Variants in ZNF622 observed in about 807,000 individuals in gnomAD.
ZNF622 encodes the protein cytoplasmic 60S subunit biogenesis factor ZNF622.
In ZNF622, 34 loss-of-function variants were observed where a neutral mutation model predicts 49.7. The observed-to-expected ratio is 0.68, with a 90% CI of 0.52 to 0.91. The LOEUF is 0.91. Ranked by LOEUF, ZNF622 falls within the 40% of genes least tolerant of loss-of-function variation. The pLI is 0.00. For synonymous variants in ZNF622, 209 were observed against 228.7 expected, an observed-to-expected ratio of 0.91 and a Z score of 0.78; for missense variants, 569 against 616.4, an observed-to-expected ratio of 0.92 and a Z score of 0.81.
At chr5:16,461,153 A>C (rs887565144) in intron 3 of ZNF622, among the ~76,000 whole-genome samples, 3 of 152,240 alleles carry the variant, frequency 2.0e-5, no homozygotes, top group Admixed American at 6.5e-5. Flanking sequence ...GAATACTATA[A>C]ACAAATACAG....
intron 3 of ZNF622, among the ~76,000 whole-genome samples, chr5:16,461,823 T>C (rs994621840): frequency 6.6e-6 from 1 of 152,126 alleles, no homozygotes; most frequent in Non-Finnish European, 1.5e-5. Context: ...GAGATATAAA[T>C]GTGGGGGTCA....
chr5:16,454,331 CA>C (rs1214870800), intron 4 of ZNF622, among the ~76,000 whole-genome samples: 10 of 151,498 alleles, frequency 6.6e-5, no homozygotes, highest in Non-Finnish European at 1.5e-4. Context: ...ACTAAAAGCA[CA>C]AAAAAATTAG....
At chr5:16,452,218 T>C (rs903374253) in intron 5 of ZNF622, among the ~76,000 whole-genome samples, 1 of 152,156 alleles carries the variant, frequency 6.6e-6, no homozygotes, top group African/African-American at 2.4e-5. Flanking sequence ...CCTTTTCAAA[T>C]GGATTTTAGT....
chr5:16,455,012 T>C (rs1738002670), intron 4 of ZNF622, among the ~76,000 whole-genome samples: 1 of 152,184 alleles, frequency 6.6e-6, no homozygotes. Context: ...GCTTACTAAA[T>C]ACACACTATC....
At chr5:16,458,813 G>A (rs554790697) in intron 3 of ZNF622, among the ~76,000 whole-genome samples, 184 bp from the exon 4 acceptor site, 1 of 152,356 alleles carries the variant, frequency 6.6e-6, no homozygotes, top group South Asian at 2.1e-4. Flanking sequence ...TTTGTCTGTA[G>A]TAGAAATGAG....
At chr5:16,461,739 T>C (rs942973737) in intron 3 of ZNF622, among the ~76,000 whole-genome samples, 2 of 152,194 alleles carry the variant, frequency 1.3e-5, no homozygotes, top group Non-Finnish European at 2.9e-5. Flanking sequence ...TAATGATTCC[T>C]TTTGGACACA....
At chr5:16,456,469 T>C (rs1269715251) in intron 4 of ZNF622, among the ~76,000 whole-genome samples, 1 of 152,210 alleles carries the variant, frequency 6.6e-6, no homozygotes, top group Non-Finnish European at 1.5e-5. Context: ...TTGATTTTAC[T>C]GAAGTCCAAT....
Position 16,463,779 on chromosome 5 carries a change from A to C in ZNF622, c.626-37T>G. The C allele has an allele frequency of 6.3e-7, 1 of 1,595,914 alleles. No individual in the cohort carries two copies. Among genetic ancestry groups the C allele is most frequent in the Non-Finnish European group, 8.5e-7 (1 of 1,170,016 alleles). On this transcript the variant is annotated intron_variant, in intron 1 of 5. Coordinates refer to ENST00000308683, the MANE Select transcript of ZNF622 (RefSeq NM_033414.3). The surrounding 1 kb of genome is among the most constrained non-coding windows in gnomAD (Gnocchi z 4.2). ...AATTTTGAAATATAAAGTTTAAGAA[A>C]AGTAGTAGCAAGCAAAGATATCACA...
intron 4 of ZNF622, among the ~76,000 whole-genome samples, chr5:16,455,576 G>A (rs533002562): frequency 6.6e-6 from 1 of 152,354 alleles, no homozygotes; most frequent in South Asian, 2.1e-4. Flanking sequence ...GGAAATAGGT[G>A]AGATGTAGTT....
In ZNF622 at chr5:16,458,619, G is replaced by A; in HGVS notation, c.1060C>T (p.Pro354Ser). 1 of 1,610,386 alleles carries A rather than the reference G, an allele frequency of 6.2e-7. No homozygotes were observed. Among genetic ancestry groups the A allele is most frequent in the East Asian group, 2.2e-5 (1 of 44,822 alleles). ...ADFYDFRSSY[P>S]DHKEGEDPNK... is the part of the protein sequence containing the mutation. ...GGGTCCTCCCCTTCCTTGTGATCTG[G>A]ATAGCTACTCCTATAACAGAGAAAT... Residue 354 changes from proline to serine, a missense_variant, in exon 4 of 6, where the codon CCA becomes TCA. Transcript: ENST00000308683.
chr5:16,451,705 C>G lies in ZNF622; in HGVS notation c.1386G>C (p.Lys462Asn). The change falls in exon 6 of 6, where the codon AAG becomes AAC. Residue 462 changes from lysine to asparagine, a missense_variant. By Grantham distance (94) the Lys-to-Asn change is moderately conservative. Transcript: ENST00000308683. ...AGTGCATCTGCTTGGTGGCATTGTT[C>G]TTCATTCCTGTCTTCAGCATCCATT... ...KSKWMLKTGMKNNATKQMHFR... is the reference protein window; with the variant it reads ...KSKWMLKTGMNNNATKQMHFR... 1 of 1,614,148 alleles carries G rather than the reference C, an allele frequency of 6.2e-7. No homozygotes were observed. Among genetic ancestry groups the G allele is most frequent in the African/African-American group, 1.3e-5 (1 of 75,046 alleles).
At position 16,465,131 on chromosome 5, in the gene ZNF622, G is replaced by C; in HGVS notation, c.535C>G (p.Arg179Gly). 1.9e-6 allele frequency: 3 copies of C among 1,614,150 alleles called. No homozygotes were observed. Among genetic ancestry groups the C allele is most frequent in the Non-Finnish European group, 2.5e-6 (3 of 1,180,010 alleles). Residue 179 changes from arginine (R) to glycine (G), a missense_variant, in exon 1 of 6, where the codon CGG (arginine) becomes GGG (glycine). By Grantham distance (125) the Arg-to-Gly change is moderately radical. Transcript: ENST00000308683. This position sits in a 1 kb window ranked among gnomAD's most constrained non-coding sequence, Gnocchi z 6.2. ...GCCTGCTGTTCAAACCACTGGAGCC[G>C]GGGTGGTTTCTCACTCGGGTCTCGG... ...HDRDPSEKPP[R>G]LQWFEQQAKK...
In ZNF622 at chr5:16,463,237, CA is replaced by C. The variant is rs753623509; in HGVS notation, c.919del (p.Trp307GlyfsTer19). 3.1e-6 allele frequency: 5 copies of C among 1,607,772 alleles called. No homozygotes were observed. In the South Asian group the frequency reaches 4.5e-5, roughly 14 times the overall value. On this transcript the variant is annotated frameshift_variant, in exon 3 of 6. Transcript: ENST00000308683. LOFTEE classifies it high-confidence loss of function. This position sits in a 1 kb window ranked among gnomAD's most constrained non-coding sequence, Gnocchi z 4.2. ...EKVGVGKICL[W>X]CNEKGKSFYS... ...GAAGGACTTCCCTTTCTCGTTGCAC[CA>C]CAAGCAAATCTTGCCAACACCAACT... is the stretch of plus-strand genomic sequence containing the variant.
At position 16,451,633 on chromosome 5, in the gene ZNF622, T is replaced by C. The variant is rs1392665436; in HGVS notation, c.*24A>G. On this transcript the variant is annotated 3_prime_UTR_variant, in exon 6 of 6. Transcript: ENST00000308683. Reference sequence around the variant, plus strand: ...GCAAGGAGGAAACTTGGGCAGGAGATGATTGCTCAATCCCAGCAGACTCTC... The same window carrying C: ...GCAAGGAGGAAACTTGGGCAGGAGACGATTGCTCAATCCCAGCAGACTCTC... 1.9e-6 allele frequency: 3 copies of C among 1,610,062 alleles called. No individual in the cohort carries two copies. The highest frequency in any genetic ancestry group is 2.2e-5 in the South Asian group (2 of 90,382).
At chr5:16,454,198 T>C (rs1737983509) in intron 4 of ZNF622, among the ~76,000 whole-genome samples, 1 of 152,144 alleles carries the variant, frequency 6.6e-6, no homozygotes, top group Non-Finnish European at 1.5e-5. Flanking sequence ...AAAAAAACTA[T>C]GGGACAGGGC....
At chr5:16,457,073 T>C (rs901220787) in intron 4 of ZNF622, among the ~76,000 whole-genome samples, 2 of 152,160 alleles carry the variant, frequency 1.3e-5, no homozygotes, top group African/African-American at 2.4e-5. Context: ...GAGGATTCTT[T>C]ATTTTTTATA....
chr5:16,452,975 G>C, intron 5 of ZNF622, 38 bp downstream of exon 5: 1 of 1,372,660 alleles, frequency 7.3e-7, no homozygotes, highest in Non-Finnish European at 9.5e-7. Context: ...AGAAATACAA[G>C]TTCTCAGACT....
Position 16,465,574 on chromosome 5 carries a change from T to C in ZNF622, c.92A>G (p.Asn31Ser), listed in dbSNP as rs1319595457. Reference sequence around the variant, plus strand: ...CATGCTGGCCACCTTCCGCCGCAGGTTGTAGCGGTGCCAGTCCGTCTTATA... The same window carrying C: ...CATGCTGGCCACCTTCCGCCGCAGGCTGTAGCGGTGCCAGTCCGTCTTATA... ...AHYKTDWHRY[N>S]LRRKVASMAP... Residue 31 changes from asparagine (N) to serine (S), a missense_variant, in exon 1 of 6, where the codon AAC becomes AGC. Transcript: ENST00000308683. This position sits in a 1 kb window ranked among gnomAD's most constrained non-coding sequence, Gnocchi z 6.2. The C allele has an allele frequency of 1.2e-6, 2 of 1,613,534 alleles. No individual in the cohort carries two copies. The highest frequency in any genetic ancestry group is 1.7e-5 in the Admixed American group (1 of 59,982).
chr5:16,451,626 C>A lies in ZNF622; in HGVS notation c.*31G>T. The A allele has an allele frequency of 6.2e-7, 1 of 1,606,668 alleles. No individual in the cohort carries two copies. The highest frequency in any genetic ancestry group is 1.3e-5 in the African/African-American group (1 of 74,888). On this transcript the variant is annotated 3_prime_UTR_variant, in exon 6 of 6. Coordinates refer to ENST00000308683, the MANE Select transcript of ZNF622 (RefSeq NM_033414.3). ...CCTCAGGGCAAGGAGGAAACTTGGG[C>A]AGGAGATGATTGCTCAATCCCAGCA...
Sources: gnomAD v4.1 joint callset for allele counts (sites outside exome capture counted in the v4.1 genomes callset) on GRCh38, gnomAD v4.1.1 for gene constraint, Gnocchi (gnomAD v3.1) non-coding constraint, MANE v1.5 for transcripts, NCBI Gene and HGNC (gene_info 2026-07-23, HGNC 2026-07-21) for gene names.